Variants in TCF4 observed in about 807,000 individuals in gnomAD.
TCF4 encodes transcription factor 4.
A neutral mutation model predicts 82.1 loss-of-function variants in TCF4; 3 were observed. The observed-to-expected ratio is 0.04, with a 90% CI of 0.02 to 0.09. TCF4 has a LOEUF of 0.09. Ranked by LOEUF, TCF4 falls within the 10% of genes least tolerant of loss-of-function variation. TCF4 has a pLI of 1.00. For synonymous variants in TCF4, 276 were observed against 309.6 expected, an observed-to-expected ratio of 0.89 and a Z score of 1.14; for missense variants, 518 against 852.7, an observed-to-expected ratio of 0.61 and a Z score of 4.89.
chr18:55,423,182 A>G (rs1432701452), intron 5 of TCF4, among the ~76,000 whole-genome samples: 3 of 151,530 alleles, frequency 2.0e-5, no homozygotes, highest in Non-Finnish European at 4.4e-5. Context: ...ATAAAAAAAA[A>G]TCGTTATTCC....
chr18:55,570,569 A>G (rs76763131), intron 3 of TCF4, among the ~76,000 whole-genome samples: 2 of 152,274 alleles, frequency 1.3e-5, no homozygotes, highest in Non-Finnish European at 2.9e-5. Context: ...TAACCGAATT[A>G]TCAAGGAAAT....
Position 55,234,569 on chromosome 18 carries a change from G to T in TCF4, c.1465C>A (p.Pro489Thr). Residue 489 changes from proline to threonine, a missense_variant, in exon 16 of 20, where the codon CCA (proline) becomes ACA (threonine). By Grantham distance (38) the Pro-to-Thr change is conservative. This residue lies in a region of TCF4 where 144 missense variants were observed against 190.2 expected (regional missense o/e 0.76). Transcript: ENST00000354452. The stretch of plus-strand genomic sequence containing the variant: ...CTACCTCTGTAAGGGTCCTGGGGTG[G>T]GTTCAGGTCAGGGGAAGTCGCAGAC... ...VQSATSPDLN[P>T]PQDPYRGMPP... 6.2e-7 allele frequency: 1 copy of T among 1,614,122 alleles called. No individual in the cohort carries two copies. The highest frequency in any genetic ancestry group is 8.5e-7 in the Non-Finnish European group (1 of 1,180,022).
chr18:55,621,100 G>A lies in TCF4; in HGVS notation c.286+10198C>T, dbSNP rs541538131. 1.4e-3 allele frequency among the ~76,000 whole-genome samples: 214 copies of A among 151,764 alleles called. 1 individual carries two copies. Among genetic ancestry groups the A allele is most frequent in the African/African-American group, 4.4e-3 (183 of 41,412 alleles). On this transcript the variant is annotated intron_variant, in intron 2 of 20. Transcript: ENST00000398339. ...TATAATGTTGATTCTAAAAGGTTACGACTCTTTATGGAACATAACCCAGAC... is the reference window on the plus strand; with the variant it reads ...TATAATGTTGATTCTAAAAGGTTACAACTCTTTATGGAACATAACCCAGAC...
intron 8 of TCF4, among the ~76,000 whole-genome samples, chr18:55,337,138 C>T (rs1005982175): frequency 3.9e-5 from 6 of 151,958 alleles, no homozygotes; most frequent in Admixed American, 3.3e-4. Flanking sequence ...AAAAGGTGTG[C>T]TAATTTTACG....
chr18:55,247,788 C>A (rs910361022), intron 15 of TCF4, among the ~76,000 whole-genome samples: 1 of 152,186 alleles, frequency 6.6e-6, no homozygotes. Flanking sequence ...AAACACTCAG[C>A]AGACTGTCTT....
intron 5 of TCF4, among the ~76,000 whole-genome samples, chr18:55,447,255 C>G (rs1003298908): frequency 2.0e-5 from 3 of 150,548 alleles, no homozygotes; most frequent in African/African-American, 7.3e-5. Flanking sequence ...CTGCAGTAAG[C>G]ACCCCTGCAC....
intron 3 of TCF4, among the ~76,000 whole-genome samples, chr18:55,501,012 C>T (rs3017183): frequency 0.71 from 107,554 of 152,086 alleles, 38,689 homozygotes; most frequent in East Asian, 0.85. Flanking sequence ...ATGATTATTA[C>T]TGAGAACCCT....
intron 8 of TCF4, among the ~76,000 whole-genome samples, chr18:55,326,593 A>G (rs2076609029): frequency 6.6e-6 from 1 of 152,112 alleles, no homozygotes; most frequent in Non-Finnish European, 1.5e-5. Flanking sequence ...TATGTACTTA[A>G]AAATATAATT....
intron 3 of TCF4, among the ~76,000 whole-genome samples, chr18:55,580,792 A>G (rs955383341): frequency 6.7e-6 from 1 of 149,684 alleles, no homozygotes; most frequent in Admixed American, 6.7e-5. Flanking sequence ...AGAACTCAGG[A>G]CTTTGAGCTA....
At chr18:55,389,639 AC>A (rs1332500431) in intron 6 of TCF4, among the ~76,000 whole-genome samples, 1 of 152,198 alleles carries the variant, frequency 6.6e-6, no homozygotes, top group East Asian at 1.9e-4. Flanking sequence ...TAGGGCTGGA[AC>A]ATGAGATGTG....
intron 3 of TCF4, chr18:55,546,929 GGGGAGAA>G (rs1294329975): frequency 6.6e-6 from 1 of 152,254 alleles, no homozygotes; most frequent in Non-Finnish European, 1.5e-5. Context: ...AGTAAGTGAA[GGGGAGAA>G]AAATGGAGAA....
chr18:55,538,123 C>A (rs2097135375), intron 3 of TCF4, among the ~76,000 whole-genome samples: 1 of 151,498 alleles, frequency 6.6e-6, no homozygotes, highest in African/African-American at 2.4e-5. Context: ...GATTTTGTTG[C>A]CACTAGCTCA....
chr18:55,531,994 T>C (rs1045413931), intron 3 of TCF4, among the ~76,000 whole-genome samples: 2 of 152,198 alleles, frequency 1.3e-5, no homozygotes, highest in African/African-American at 2.4e-5. Context: ...AGGATGCAAA[T>C]GTACCAAATT....
At chr18:55,293,617 T>C (rs1462257374) in intron 8 of TCF4, among the ~76,000 whole-genome samples, 2 of 152,202 alleles carry the variant, frequency 1.3e-5, no homozygotes, top group African/African-American at 4.8e-5. Flanking sequence ...TTGAAAAATG[T>C]AGTTCATAGC....
intron 2 of TCF4, among the ~76,000 whole-genome samples, chr18:55,593,938 C>T (rs1430072912): frequency 6.6e-6 from 1 of 152,160 alleles, no homozygotes; most frequent in African/African-American, 2.4e-5. Flanking sequence ...AAAGGGAAGA[C>T]TATCCCAGCA....
chr18:55,234,234 A>G (rs2144661663), intron 16 of TCF4, among the ~76,000 whole-genome samples: 1 of 152,250 alleles, frequency 6.6e-6, no homozygotes, highest in East Asian at 1.9e-4. Flanking sequence ...GCCACAACTA[A>G]CCACATTAGA....
At chr18:55,579,774 T>C (rs1191166315) in intron 3 of TCF4, among the ~76,000 whole-genome samples, 8 of 152,034 alleles carry the variant, frequency 5.3e-5, no homozygotes, top group Admixed American at 1.3e-4. Flanking sequence ...ACTTCCAATA[T>C]AAAATGTAGT....
Position 55,269,910 on chromosome 18 carries a change from G to A in TCF4, c.843C>T (p.Ser281=). ...ADINSSLPPM[S]TFHRSGTNHY... ...GGTTTGTACCACTACGATGGAAAGT[G>A]GACATCGGAGGAAGACTGGAATTGA... is the stretch of plus-strand genomic sequence containing the variant. Residue 281 remains serine, a synonymous_variant, in exon 11 of 20, where the codon TCC becomes TCT. Coordinates refer to ENST00000354452, the MANE Select transcript of TCF4 (RefSeq NM_001083962.2). 1 of 1,613,298 alleles carries A rather than the reference G, an allele frequency of 6.2e-7. No homozygotes were observed. The highest frequency in any genetic ancestry group is 8.5e-7 in the Non-Finnish European group (1 of 1,179,480).
At chr18:55,485,228 T>G in intron 3 of TCF4, among the ~76,000 whole-genome samples, 1 of 152,236 alleles carries the variant, frequency 6.6e-6, no homozygotes, top group African/African-American at 2.4e-5. Context: ...GATTTTGGAA[T>G]AGGTAACGTA....
Sources: allele counts gnomAD v4.1 joint callset (sites outside exome capture counted in the v4.1 genomes callset), GRCh38; gene constraint gnomAD v4.1.1; regional missense constraint gnomAD v4.1.1; transcripts MANE v1.5; gene names NCBI Gene and HGNC (gene_info 2026-07-23, HGNC 2026-07-21).